The following FAM168B variants were observed in gnomAD, a reference collection of about 807,000 sequenced individuals.
FAM168B encodes the protein family with sequence similarity 168 member B.
In FAM168B, 19 loss-of-function variants were observed where a neutral mutation model predicts 21.8. That is an observed-to-expected ratio of 0.87 (90% CI 0.61 to 1.28). FAM168B has a LOEUF of 1.28. Among genes scored for constraint, FAM168B ranks in the 50% most tolerant of loss-of-function variants. The probability of loss-of-function intolerance (pLI) is 0.00; values close to 1 mark genes in which losing one functional copy is unlikely to be tolerated. For synonymous variants in FAM168B, 126 were observed against 104.8 expected, an observed-to-expected ratio of 1.20 and a Z score of -1.24; for missense variants, 233 against 263.1, an observed-to-expected ratio of 0.89 and a Z score of 0.79.
At chr2:131,079,173 G>A (rs1451118262) in intron 2 of FAM168B, among the ~76,000 whole-genome samples, 1 of 151,438 alleles carries the variant, frequency 6.6e-6, no homozygotes, top group African/African-American at 2.4e-5. Context: ...CCAATGACAA[G>A]TGTCCTTATA....
At position 131,055,509 on chromosome 2, in the gene FAM168B, GT is replaced by G. The variant is rs756993189; in HGVS notation, c.297+43del. ...CCAGGGCCAAAGGATGAACGCCCAGGTGGTATCACCCCTTCCCACACAGCAG... is the reference window on the plus strand; with the variant it reads ...CCAGGGCCAAAGGATGAACGCCCAGGGGTATCACCCCTTCCCACACAGCAG... On this transcript the variant is annotated intron_variant, in intron 4 of 6. Transcript: ENST00000389915. The G allele has an allele frequency of 2.0e-4, 320 of 1,599,640 alleles. 10 individuals are homozygous for G. In the South Asian group the frequency reaches 3.5e-3, roughly 17 times the overall value.
In FAM168B at chr2:131,048,800, C is replaced by G. The variant is rs1691459701; in HGVS notation, c.*3665G>C. On this transcript the variant is annotated 3_prime_UTR_variant, in exon 7 of 7. Transcript: ENST00000389915. ...CTTTAGAGACCCTCTCAGAAAGCAC[C>G]AGAGAGGAGGACCAGACGCTGCCAC... 1 of 986,182 alleles carries G rather than the reference C, an allele frequency of 1.0e-6. No individual in the cohort carries two copies. The highest frequency in any genetic ancestry group is 1.7e-5 in the African/African-American group (1 of 57,220). 61.1% of individuals were successfully genotyped at this position (986,182 alleles called of 1,614,324 possible).
rs73000365 is a variant in FAM168B at position 131,053,187 on chromosome 2, T to C, written c.476-172A>G. Among the ~76,000 whole-genome samples the C allele has an allele frequency of 2.8e-3, 419 of 152,324 alleles. 4 individuals carry two copies. The highest frequency in any genetic ancestry group is 9.7e-3 in the African/African-American group (404 of 41,574). On this transcript the variant is annotated intron_variant, in intron 5 of 6. Transcript: ENST00000389915. ...TTAGATAATCCCCCACACCCAAAAG[T>C]TGTCTCCACACAGCAAGCTCCACAG...
Position 131,093,270 on chromosome 2 carries a change from C to G in FAM168B, c.-68G>C, listed in dbSNP as rs1206484752. On this transcript the variant is annotated 5_prime_UTR_variant, in exon 1 of 7. Coordinates refer to ENST00000389915, the MANE Select transcript of FAM168B (RefSeq NM_001009993.4). ...CCAGCGCACGCCGGCCCGCGGCGGG[C>G]TTGGCCGTGGGGCGAAACAAGGGGG... The G allele has an allele frequency of 6.7e-6, 1 of 150,222 alleles. No homozygotes were observed. The highest frequency in any genetic ancestry group is 1.5e-5 in the Non-Finnish European group (1 of 67,228). The allele number at this position is 150,222 out of a possible 1,614,324, so 9.3% of individuals were successfully genotyped here.
intron 5 of FAM168B, among the ~76,000 whole-genome samples, chr2:131,053,810 G>C (rs1349965540): frequency 6.6e-6 from 1 of 152,136 alleles, no homozygotes; most frequent in Non-Finnish European, 1.5e-5. Flanking sequence ...ATGAGTTCCA[G>C]ACTACAGTGA....
At chr2:131,057,021 T>C (rs1692060880) in intron 3 of FAM168B, among the ~76,000 whole-genome samples, 1 of 152,060 alleles carries the variant, frequency 6.6e-6, no homozygotes, top group Admixed American at 6.6e-5. Flanking sequence ...CTGAGAAGGA[T>C]TAACTTATAA....
chr2:131,049,348 T>C lies in FAM168B; in HGVS notation c.*3117A>G, dbSNP rs934769400. 3.0e-6 allele frequency: 3 copies of C among 985,378 alleles called. No homozygotes were observed. The highest frequency in any genetic ancestry group is 2.4e-6 in the Non-Finnish European group (2 of 830,034). The allele number at this position is 985,378 out of a possible 1,614,324, so 61.0% of individuals were successfully genotyped here. On this transcript the variant is annotated 3_prime_UTR_variant, in exon 7 of 7. Transcript: ENST00000389915. ...CCACCCCCATTGCCTGTGAACACAT[T>C]TGCATAGCACTCAAGAAGGTTTCCC...
chr2:131,072,818 G>T (rs1381393581), intron 2 of FAM168B, among the ~76,000 whole-genome samples: 1 of 152,172 alleles, frequency 6.6e-6, no homozygotes, highest in African/African-American at 2.4e-5. Flanking sequence ...CTTAGCAAGA[G>T]TAGTAAGAGT....
intron 3 of FAM168B, 40 bp from the exon 4 acceptor site, chr2:131,055,735 G>A (rs757398647): frequency 1.1e-5 from 18 of 1,602,372 alleles, no homozygotes; most frequent in African/African-American, 5.3e-5. Flanking sequence ...CACCCAAGCC[G>A]GTCCAGGCGC....
rs57542340 is a variant in FAM168B, at chr2:131,091,965, T to TAAA, written c.-12+1246_-12+1248dup. ...TAACACGGTGAAACCTCGTCTCTAC[T>TAAA]AAAAAAAAAAAAAAACAAATACAAA... On this transcript the variant is annotated intron_variant, in intron 1 of 6. Transcript: ENST00000389915. Among the ~76,000 whole-genome samples, 872 of 128,858 alleles carry TAAA rather than the reference T, an allele frequency of 6.8e-3. 13 individuals carry two copies. Among genetic ancestry groups the TAAA allele is most frequent in the South Asian group, 0.043 (176 of 4,068 alleles). 84.5% of individuals were successfully genotyped at this position (128,858 alleles called of 152,430 possible). A position where few individuals can be genotyped will look rare whatever the true frequency, so the allele number is the denominator to read the frequency against.
chr2:131,052,940 C>T lies in FAM168B; in HGVS notation c.551G>A (p.Gly184Glu). ...PVTVPTYRAP[G>E]TPTYSYVPPQ... ...GGGCACATAGCTGTAAGTGGGCGTT[C>T]CTGGGGCCCGGTACGTGGGCACAGT... Residue 184 changes from glycine (G) to glutamate (E), a missense_variant, in exon 6 of 7, where the codon GGA becomes GAA. Physicochemically the swap from Gly to Glu is moderately conservative, Grantham distance 98 (BLOSUM62 -2). Transcript: ENST00000389915. The T allele has an allele frequency of 1.3e-6, 2 of 1,563,974 alleles. No individual in the cohort carries two copies. The highest frequency in any genetic ancestry group is 1.7e-4 in the Middle Eastern group (1 of 5,970).
chr2:131,065,224 A>G (rs1573773276), intron 3 of FAM168B, among the ~76,000 whole-genome samples: 2 of 152,310 alleles, frequency 1.3e-5, no homozygotes, highest in South Asian at 4.1e-4. Flanking sequence ...AAAGAGTTAA[A>G]GAGCTGGAGT....
intron 1 of FAM168B, among the ~76,000 whole-genome samples, chr2:131,085,093 T>C (rs1158599169): frequency 6.6e-6 from 1 of 151,908 alleles, no homozygotes; most frequent in East Asian, 1.9e-4. Flanking sequence ...TGTGTGGGGG[T>C]AGGGGGGTAT....
intron 2 of FAM168B, among the ~76,000 whole-genome samples, chr2:131,072,566 C>T (rs1003673008): frequency 2.6e-5 from 4 of 152,068 alleles, no homozygotes; most frequent in Non-Finnish European, 5.9e-5. Flanking sequence ...TCAAGCGATT[C>T]TCCTGCCTCA....
Position 131,048,524 on chromosome 2 carries a change from A to T in FAM168B, c.*3941T>A. The stretch of plus-strand genomic sequence containing the variant: ...CCACAGGCTCTCTCTTCTTCAAATA[A>T]TGAGTAGGAAAAAGAGACAAACTTT... On this transcript the variant is annotated 3_prime_UTR_variant, in exon 7 of 7. Transcript: ENST00000389915. The T allele has an allele frequency of 8.9e-7, 1 of 1,119,074 alleles. No homozygotes were observed. The allele number at this position is 1,119,074 out of a possible 1,614,324, so 69.3% of individuals were successfully genotyped here.
intron 2 of FAM168B, among the ~76,000 whole-genome samples, chr2:131,075,967 C>T (rs534571065): frequency 3.9e-4 from 60 of 152,286 alleles, no homozygotes; most frequent in African/African-American, 1.4e-3. Flanking sequence ...GCTCCCATCG[C>T]CTCATCCCAT....
chr2:131,078,605 T>A (rs1037982745), intron 2 of FAM168B, among the ~76,000 whole-genome samples: 1 of 152,314 alleles, frequency 6.6e-6, no homozygotes, highest in Non-Finnish European at 1.5e-5. Context: ...CGCATCTAGT[T>A]ACATCATGGT....
intron 2 of FAM168B, among the ~76,000 whole-genome samples, chr2:131,078,043 G>C (rs537431388): frequency 2.2e-4 from 33 of 152,294 alleles, no homozygotes; most frequent in African/African-American, 7.2e-4. Flanking sequence ...AGACCATTCA[G>C]CATGCTACCT....
chr2:131,074,002 C>A (rs1486153779), intron 2 of FAM168B, among the ~76,000 whole-genome samples: 1 of 152,228 alleles, frequency 6.6e-6, no homozygotes, highest in Non-Finnish European at 1.5e-5. Flanking sequence ...ATCCTGGCCC[C>A]AAGGTGCAAC....
Sources: allele counts gnomAD v4.1 joint callset (sites outside exome capture counted in the v4.1 genomes callset), GRCh38; gene constraint gnomAD v4.1.1; transcripts MANE v1.5; gene names NCBI Gene and HGNC (gene_info 2026-07-23, HGNC 2026-07-21).